Variants in DSTYK observed in about 807,000 individuals in gnomAD.
DSTYK encodes dual serine/threonine and tyrosine protein kinase.
In DSTYK, 34 loss-of-function variants were observed where a neutral mutation model predicts 98.7. That is an observed-to-expected ratio of 0.34 (90% CI 0.26 to 0.46). The LOEUF is 0.46. DSTYK is among the 20% of genes least tolerant of loss of function. The pLI, the probability that DSTYK is intolerant of heterozygous loss-of-function variation, is 1.00. For synonymous variants in DSTYK, 462 were observed against 457.3 expected (o/e 1.01, Z -0.13); for missense variants, 962 against 1,181.7 (o/e 0.81, Z 2.73).
chr1:205,145,409 T>A lies in DSTYK; in HGVS notation c.*2149A>T, dbSNP rs1451410498. The A allele has an allele frequency of 2.6e-5, 4 of 152,202 alleles. No individual in the cohort carries two copies. Among genetic ancestry groups the A allele is most frequent in the African/African-American group, 9.6e-5 (4 of 41,542 alleles). 9.4% of individuals were successfully genotyped at this position (152,202 alleles called of 1,614,324 possible). A position where few individuals can be genotyped will look rare whatever the true frequency, so the allele number is the denominator to read the frequency against. ...GATAGCCAAAGAGTTAAAAGTTATA[T>A]GAAAGACCCATTATAGACTCCATTT... On this transcript the variant is annotated 3_prime_UTR_variant, in exon 13 of 13. Transcript: ENST00000367162.
chr1:205,148,537 C>T (rs562602122), intron 11 of DSTYK, among the ~76,000 whole-genome samples, 198 bp from the exon 12 acceptor site: 2 of 152,238 alleles, frequency 1.3e-5, no homozygotes, highest in East Asian at 3.9e-4. Context: ...ATTGGGAGGT[C>T]ACAGCTCAAT....
intron 1 of DSTYK, among the ~76,000 whole-genome samples, chr1:205,206,956 TAA>T (rs1659220563): frequency 6.6e-6 from 1 of 152,020 alleles, no homozygotes; most frequent in Non-Finnish European, 1.5e-5. Context: ...GATGAGGAAA[TAA>T]AGGCACAGCA....
At chr1:205,203,574 G>A (rs1157860668) in intron 1 of DSTYK, among the ~76,000 whole-genome samples, 1 of 90,542 alleles carries the variant, frequency 1.1e-5, no homozygotes, top group Non-Finnish European at 2.1e-5. Flanking sequence ...GGGAGGGGAG[G>A]GGAGGGGAGG....
intron 2 of DSTYK, among the ~76,000 whole-genome samples, chr1:205,175,195 G>A (rs1354292173): frequency 3.3e-5 from 5 of 151,812 alleles, no homozygotes; most frequent in African/African-American, 1.2e-4. Context: ...CCGCCTCCCA[G>A]GTTCACGCCA....
At chr1:205,154,416 C>T (rs553713023) in intron 10 of DSTYK, among the ~76,000 whole-genome samples, 3 of 152,144 alleles carry the variant, frequency 2.0e-5, no homozygotes, top group East Asian at 3.9e-4. Flanking sequence ...TTTTTCCCCC[C>T]CTTTTGATCG....
In DSTYK at chr1:205,145,707, T is replaced by C. The variant is rs930875659; in HGVS notation, c.*1851A>G. 1 of 150,784 alleles carries C rather than the reference T, an allele frequency of 6.6e-6. No individual in the cohort carries two copies. The highest frequency in any genetic ancestry group is 1.5e-5 in the Non-Finnish European group (1 of 68,036). 9.3% of individuals were successfully genotyped at this position (150,784 alleles called of 1,614,324 possible). On this transcript the variant is annotated 3_prime_UTR_variant, in exon 13 of 13. Coordinates refer to ENST00000367162, the MANE Select transcript of DSTYK (RefSeq NM_015375.3). Reference sequence around the variant, plus strand: ...GCATGCCCGGCTAATTTGCAACTCATCTTATACACCTACCTGGGGACCTGT... The same window carrying C: ...GCATGCCCGGCTAATTTGCAACTCACCTTATACACCTACCTGGGGACCTGT...
chr1:205,208,770 C>A (rs993988652), intron 1 of DSTYK, among the ~76,000 whole-genome samples: 3 of 152,056 alleles, frequency 2.0e-5, no homozygotes, highest in African/African-American at 7.2e-5. Context: ...ACAAAGATGG[C>A]CTGTAAATGG....
intron 1 of DSTYK, among the ~76,000 whole-genome samples, chr1:205,194,340 C>T (rs1291034919): frequency 6.6e-6 from 1 of 152,144 alleles, no homozygotes; most frequent in African/African-American, 2.4e-5. Flanking sequence ...TAACTGAAGG[C>T]TCTTAAGGTA....
intron 3 of DSTYK, among the ~76,000 whole-genome samples, chr1:205,167,382 A>G (rs566322644): frequency 6.6e-6 from 1 of 152,348 alleles, no homozygotes; most frequent in East Asian, 1.9e-4. Flanking sequence ...TCTGGATGGC[A>G]GAGCAAGAAC....
chr1:205,168,161 T>G (rs1350610993), intron 3 of DSTYK, among the ~76,000 whole-genome samples: 3 of 152,084 alleles, frequency 2.0e-5, no homozygotes, highest in African/African-American at 7.2e-5. Flanking sequence ...GGAAGACAAT[T>G]CAAGACCATG....
intron 5 of DSTYK, among the ~76,000 whole-genome samples, chr1:205,162,500 ACT>A (rs1374081420): frequency 6.6e-6 from 1 of 152,148 alleles, no homozygotes; most frequent in African/African-American, 2.4e-5. Flanking sequence ...TCAGTAAATA[ACT>A]CTACATAAGA....
chr1:205,200,909 AT>A (rs113337026), intron 1 of DSTYK, among the ~76,000 whole-genome samples: 2,155 of 146,072 alleles, frequency 0.015, 45 homozygotes, highest in East Asian at 0.068. Flanking sequence ...TAATAATTTA[AT>A]TTTTTTTTTT....
At chr1:205,189,871 A>G (rs1233454776) in intron 1 of DSTYK, among the ~76,000 whole-genome samples, 1 of 152,226 alleles carries the variant, frequency 6.6e-6, no homozygotes, top group Non-Finnish European at 1.5e-5. Flanking sequence ...CAACAGAGTT[A>G]ACTAAGTATA....
Position 205,147,264 on chromosome 1 carries a change from C to A in DSTYK, c.*294G>T. ...TACAGTGAAAAGACAATGGTAACAT[C>A]TGCCTCCTTTTCATTTGTGAAGCCA... On this transcript the variant is annotated 3_prime_UTR_variant, in exon 13 of 13. Transcript: ENST00000367162. The A allele has an allele frequency of 3.6e-6, 1 of 274,232 alleles. No individual in the cohort carries two copies. 17.0% of individuals were successfully genotyped at this position (274,232 alleles called of 1,614,324 possible).
At chr1:205,195,524 A>C (rs1015851017) in intron 1 of DSTYK, among the ~76,000 whole-genome samples, 2 of 152,228 alleles carry the variant, frequency 1.3e-5, no homozygotes, top group Non-Finnish European at 1.5e-5. Context: ...CATTTAAGAC[A>C]AACAGATGCT....
chr1:205,184,109 C>T (rs1658497971), intron 2 of DSTYK, among the ~76,000 whole-genome samples: 1 of 152,022 alleles, frequency 6.6e-6, no homozygotes, highest in Non-Finnish European at 1.5e-5. Context: ...TCAGTTGTTC[C>T]CTCTGTCTGC....
chr1:205,192,975 G>A (rs1217480158), intron 1 of DSTYK, among the ~76,000 whole-genome samples: 1 of 152,114 alleles, frequency 6.6e-6, no homozygotes, highest in East Asian at 1.9e-4. Context: ...TTCCAGTCTG[G>A]GGTCAAATGC....
intron 1 of DSTYK, among the ~76,000 whole-genome samples, chr1:205,191,837 A>G (rs2102458370): frequency 6.6e-6 from 1 of 152,338 alleles, no homozygotes; most frequent in Admixed American, 6.5e-5. Flanking sequence ...CAGTTAAAGG[A>G]CTTCAAGTTA....
intron 2 of DSTYK, among the ~76,000 whole-genome samples, chr1:205,186,768 T>G (rs561231610): frequency 2.6e-5 from 4 of 152,324 alleles, no homozygotes; most frequent in Non-Finnish European, 4.4e-5. Context: ...CAATATGATA[T>G]CTTACGAGAT....
Sources: gnomAD v4.1 joint callset for allele counts (sites outside exome capture counted in the v4.1 genomes callset) on GRCh38, gnomAD v4.1.1 for gene constraint, MANE v1.5 for transcripts, NCBI Gene and HGNC (gene_info 2026-07-23, HGNC 2026-07-21) for gene names.